Variants in BRSK2 observed in about 807,000 individuals in gnomAD.
The protein encoded by BRSK2 is serine/threonine-protein kinase BRSK2.
In BRSK2, 19 loss-of-function variants were observed where a neutral mutation model predicts 83.3. That is an observed-to-expected ratio of 0.23 (90% CI 0.16 to 0.33). The LOEUF (loss-of-function observed/expected upper bound fraction) is 0.33, where lower values mean the gene tolerates loss of function less well. Among genes scored for constraint, BRSK2 ranks in the 10% least tolerant of loss-of-function variants. The probability of loss-of-function intolerance (pLI) is 1.00; values close to 1 mark genes in which losing one functional copy is unlikely to be tolerated. For missense variants in BRSK2, 798 were observed against 1,042.3 expected, an observed-to-expected ratio of 0.77 and a Z score of 3.23; for synonymous variants, 519 against 435.4, an observed-to-expected ratio of 1.19 and a Z score of -2.39.
At chr11:1,427,463 G>A (rs1246467750) in intron 1 of BRSK2, among the ~76,000 whole-genome samples, 1 of 152,194 alleles carries the variant, frequency 6.6e-6, no homozygotes, top group African/African-American at 2.4e-5. Context: ...TCTGCTCCCT[G>A]AGGCCCAGCA....
At chr11:1,429,165 GGT>G (rs1328611438) in intron 1 of BRSK2, among the ~76,000 whole-genome samples, 5 of 148,236 alleles carry the variant, frequency 3.4e-5, no homozygotes, top group African/African-American at 9.9e-5. Context: ...TGTGTGCACG[GGT>G]GTGTGTCCTG....
intron 1 of BRSK2, among the ~76,000 whole-genome samples, chr11:1,409,097 C>T (rs1590347697): frequency 1.3e-5 from 2 of 151,866 alleles, no homozygotes; most frequent in South Asian, 4.1e-4. Flanking sequence ...TGTGTGTACA[C>T]ACATCTGTGT....
chr11:1,449,781 G>A lies in BRSK2; in HGVS notation c.1232G>A (p.Arg411Gln), dbSNP rs1564867655. The A allele has an allele frequency of 4.3e-6, 7 of 1,612,056 alleles. No homozygotes were observed. Among genetic ancestry groups the A allele is most frequent in the East Asian group, 2.2e-5 (1 of 44,804 alleles). The change falls in exon 13 of 20, where the codon CGG becomes CAG. Residue 411 changes from arginine to glutamine, a missense_variant. Arg to Gln is a conservative substitution (Grantham distance 43). Around this residue, in one of 6 missense-constraint regions of BRSK2, gnomAD observed 5 missense variants for 19.0 expected, o/e 0.26. Transcript: ENST00000528841. ...IEMAQHGQRS[R>Q]SISGASSGLS... Reference sequence around the variant, plus strand: ...CTGTACCTTGTGACCTCCAGGTCTCGGTCCATCAGCGGTGCCTCCTCAGGC... The same window carrying A: ...CTGTACCTTGTGACCTCCAGGTCTCAGTCCATCAGCGGTGCCTCCTCAGGC...
chr11:1,440,988 C>T, intron 4 of BRSK2, 60 bp downstream of exon 4: 1 of 1,473,416 alleles, frequency 6.8e-7, no homozygotes, highest in Non-Finnish European at 9.3e-7. Context: ...AGTGCGCTAC[C>T]ACAGATGCCC....
chr11:1,414,047 C>T (rs1847841011), intron 1 of BRSK2, among the ~76,000 whole-genome samples: 1 of 152,348 alleles, frequency 6.6e-6, no homozygotes, highest in Non-Finnish European at 1.5e-5. Flanking sequence ...GCGTTTTCTC[C>T]ATCTGTGCTT....
At position 1,450,794 on chromosome 11, in the gene BRSK2, G is replaced by A; in HGVS notation, c.1495G>A (p.Val499Ile). ...CCGCTTCCACCGCCGGAAACTGCAAGGTGAGTGTCTGCCCGGAGGCGCCAG... is the reference window on the plus strand; with the variant it reads ...CCGCTTCCACCGCCGGAAACTGCAAAGTGAGTGTCTGCCCGGAGGCGCCAG... ...SPRFHRRKLQVPTPEEMSNLT... is the reference protein window; with the variant it reads ...SPRFHRRKLQIPTPEEMSNLT... The change falls in exon 14 of 20, where the codon GTT becomes ATT. Residue 499 changes from valine (V) to isoleucine (I), a missense_variant and splice_region_variant. By Grantham distance (29) the Val-to-Ile change is conservative. Transcript: ENST00000528841. 1 of 1,591,344 alleles carries A rather than the reference G, an allele frequency of 6.3e-7. No individual in the cohort carries two copies. Among genetic ancestry groups the A allele is most frequent in the Non-Finnish European group, 8.5e-7 (1 of 1,172,176 alleles).
At chr11:1,392,037 G>T (rs1376983732) in intron 1 of BRSK2, among the ~76,000 whole-genome samples, 1 of 152,206 alleles carries the variant, frequency 6.6e-6, no homozygotes, top group Non-Finnish European at 1.5e-5. Context: ...GGGGCACAAA[G>T]CGGCCCCTCT....
rs1847402793 is a variant in BRSK2, at chr11:1,460,788, T to TGCCCCGAGTG, written c.*67_*76dup. On this transcript the variant is annotated 3_prime_UTR_variant, in exon 20 of 20. Transcript: ENST00000528841. ...CTGCCTCGCCGCCCGCCGCCCGCCC[T>TGCCCCGAGTG]GCCCCGAGTGGACCCGCGGCCGCGC... 1 of 1,310,998 alleles carries TGCCCCGAGTG rather than the reference T, an allele frequency of 7.6e-7. No homozygotes were observed. The highest frequency in any genetic ancestry group is 9.7e-7 in the Non-Finnish European group (1 of 1,028,094). 81.2% of individuals were successfully genotyped at this position (1,310,998 alleles called of 1,614,324 possible). A position where few individuals can be genotyped will look rare whatever the true frequency, so the allele number is the denominator to read the frequency against.
chr11:1,448,666 C>CTGT (rs1564865017), intron 12 of BRSK2, among the ~76,000 whole-genome samples: 3 of 152,232 alleles, frequency 2.0e-5, no homozygotes, highest in African/African-American at 7.2e-5. Context: ...GGGCTGTCCG[C>CTGT]GCTCCCAGCT....
rs1284769058 is a variant in BRSK2 at position 1,460,551 on chromosome 11, A to G, written c.2039A>G (p.Glu680Gly). 29 of 1,529,164 alleles carry G rather than the reference A, an allele frequency of 1.9e-5. No individual in the cohort carries two copies. Among genetic ancestry groups the G allele is most frequent in the Middle Eastern group, 1.7e-4 (1 of 5,956 alleles). The allele number at this position is 1,529,164 out of a possible 1,614,324, so 94.7% of individuals were successfully genotyped here. Residue 680 changes from glutamate (E) to glycine (G), a missense_variant, in exon 20 of 20, where the codon GAG (glutamate) becomes GGG (glycine). By Grantham distance (98) the Glu-to-Gly change is moderately conservative. Around this residue, in one of 6 missense-constraint regions of BRSK2, gnomAD observed 455 missense variants for 455.2 expected, o/e 1.00. Coordinates refer to ENST00000528841, the MANE Select transcript of BRSK2 (RefSeq NM_001256627.2). ...GTAATTAAACAACTTTTTTCAGACGAGAAGAACGGGCAGGCGGCCCAGGCC... is the reference window on the plus strand; with the variant it reads ...GTAATTAAACAACTTTTTTCAGACGGGAAGAACGGGCAGGCGGCCCAGGCC... The part of the protein sequence containing the change: ...FDVIKQLFSD[E>G]KNGQAAQAPS...
intron 1 of BRSK2, among the ~76,000 whole-genome samples, chr11:1,420,874 C>T (rs2134192035): frequency 6.6e-6 from 1 of 152,298 alleles, no homozygotes; most frequent in East Asian, 1.9e-4. Context: ...TTCCACCTGA[C>T]CTTAAGAGCC....
chr11:1,448,045 G>T (rs558987096), intron 12 of BRSK2, among the ~76,000 whole-genome samples: 20 of 152,268 alleles, frequency 1.3e-4, no homozygotes, highest in Admixed American at 7.2e-4. Flanking sequence ...GGAGGGGTGG[G>T]GCTGCTGAGG....
rs994098282 is a variant in BRSK2 at position 1,422,954 on chromosome 11, G to A, written c.92-13086G>A. ...TGGACCTCGAGGTCTCTCAGACCTG[G>A]GTTTCTGAGCTCCTCAGGTGTCTGT... On this transcript the variant is annotated intron_variant, in intron 1 of 19. Transcript: ENST00000528841. Among the ~76,000 whole-genome samples, 4 of 152,318 alleles carry A rather than the reference G, an allele frequency of 2.6e-5. No homozygotes were observed. In the East Asian group the frequency reaches 7.7e-4, roughly 29 times the overall value.
At chr11:1,442,386 T>C (rs375230218) in intron 4 of BRSK2, 104 bp from the exon 5 acceptor site, 18 of 797,256 alleles carry the variant, frequency 2.3e-5, no homozygotes, top group East Asian at 1.1e-4. Context: ...TTATGTGTGA[T>C]TGGCGTTTGG....
intron 1 of BRSK2, among the ~76,000 whole-genome samples, chr11:1,401,233 G>C (rs950692547): frequency 1.3e-5 from 2 of 152,220 alleles, no homozygotes; most frequent in Non-Finnish European, 1.5e-5. Flanking sequence ...CTCAGCACAT[G>C]CCCCCGGCAT....
At chr11:1,414,199 G>A (rs935651692) in intron 1 of BRSK2, among the ~76,000 whole-genome samples, 2 of 152,232 alleles carry the variant, frequency 1.3e-5, no homozygotes, top group Admixed American at 6.5e-5. Flanking sequence ...AGTTGCCATT[G>A]TCCCGTTGTT....
At chr11:1,403,995 C>G (rs564178854) in intron 1 of BRSK2, among the ~76,000 whole-genome samples, 55 of 152,280 alleles carry the variant, frequency 3.6e-4, no homozygotes, top group African/African-American at 1.3e-3. Context: ...GTGAGCCTGG[C>G]CTGGAGTTGT....
chr11:1,418,912 G>A (rs1848373565), intron 1 of BRSK2, among the ~76,000 whole-genome samples: 1 of 152,250 alleles, frequency 6.6e-6, no homozygotes. Context: ...CCCTGGGTGG[G>A]GAAGTTTTTT....
At chr11:1,407,918 C>T (rs1473992170) in intron 1 of BRSK2, among the ~76,000 whole-genome samples, 1 of 152,184 alleles carries the variant, frequency 6.6e-6, no homozygotes, top group Admixed American at 6.5e-5. Flanking sequence ...CACCTGTGCC[C>T]TCCAGGGAAG....
Sources: allele counts gnomAD v4.1 joint callset (sites outside exome capture counted in the v4.1 genomes callset), GRCh38; gene constraint gnomAD v4.1.1; regional missense constraint gnomAD v4.1.1; transcripts MANE v1.5; gene names NCBI Gene and HGNC (gene_info 2026-07-23, HGNC 2026-07-21).